CIMIP1: variants seen among roughly 807,000 people sequenced by gnomAD.
The protein encoded by CIMIP1 is low in lung cancer 1.
the CIMIP1 span, among the ~76,000 whole-genome samples, chr20:58,158,882 T>G: frequency 6.6e-6 from 1 of 152,218 alleles, no homozygotes; most frequent in Non-Finnish European, 1.5e-5. Flanking sequence ...GGCCTCATTT[T>G]CTTATTACAC....
the CIMIP1 span, among the ~76,000 whole-genome samples, chr20:58,154,993 A>G: frequency 6.6e-6 from 1 of 152,316 alleles, no homozygotes; most frequent in South Asian, 2.1e-4. Flanking sequence ...TTTTGAAGAG[A>G]TGGAGTCTTG....
the CIMIP1 span, among the ~76,000 whole-genome samples, chr20:58,153,386 G>A: frequency 6.6e-6 from 1 of 152,188 alleles, no homozygotes; most frequent in South Asian, 2.1e-4. Context: ...CTGGTGGGAG[G>A]TGCTCAGCAT....
the CIMIP1 span, chr20:58,155,369 C>A: frequency 1.0e-6 from 1 of 952,888 alleles, no homozygotes; most frequent in East Asian, 2.5e-5. Flanking sequence ...AGGACACTCC[C>A]CCAGCTTCAC....
At chr20:58,152,443 T>G in the CIMIP1 span, among the ~76,000 whole-genome samples, 1 of 151,820 alleles carries the variant, frequency 6.6e-6, no homozygotes, top group Non-Finnish European at 1.5e-5. Context: ...AAAAAAAGAT[T>G]ATTTAAGTGA....
At chr20:58,153,026 A>G in the CIMIP1 span, among the ~76,000 whole-genome samples, 1 of 152,190 alleles carries the variant, frequency 6.6e-6, no homozygotes, top group Non-Finnish European at 1.5e-5. Context: ...GTCTACTGCA[A>G]TGCCACTCAG....
At chr20:58,151,153 G>T in the CIMIP1 span, 4 of 922,974 alleles carry the variant, frequency 4.3e-6, no homozygotes, top group South Asian at 6.2e-5. Context: ...GAGGGGCAGA[G>T]GGGCGTGCGC....
the CIMIP1 span, among the ~76,000 whole-genome samples, chr20:58,152,507 G>A: frequency 5.0e-3 from 766 of 152,032 alleles, 17 homozygotes; most frequent in African/African-American, 0.018. Flanking sequence ...TTGGGAGGCC[G>A]AGGCCAGGAG....
At chr20:58,151,111 C>G in the CIMIP1 span, 1 of 1,365,350 alleles carries the variant, frequency 7.3e-7, no homozygotes, top group Non-Finnish European at 1.0e-6. Flanking sequence ...AGTTTCCCCA[C>G]CAAGTCCGGG....
chr20:58,153,441 A>G, the CIMIP1 span: 1 of 864,928 alleles, frequency 1.2e-6, no homozygotes, highest in Admixed American at 1.9e-5. Flanking sequence ...TCCCTGGTGC[A>G]GAACCACTGC....
At chr20:58,155,862 G>A in the CIMIP1 span, among the ~76,000 whole-genome samples, 1 of 152,212 alleles carries the variant, frequency 6.6e-6, no homozygotes, top group Non-Finnish European at 1.5e-5. Context: ...TCCAGGGTGT[G>A]GGCAGGAAGG....
At chr20:58,155,433 C>A in the CIMIP1 span, 4 of 1,529,690 alleles carry the variant, frequency 2.6e-6, no homozygotes, top group Admixed American at 1.7e-5. Context: ...CCCAGCTTCA[C>A]GTAAGACTTC....
At chr20:58,155,078 T>A in the CIMIP1 span, among the ~76,000 whole-genome samples, 2 of 152,238 alleles carry the variant, frequency 1.3e-5, no homozygotes, top group Non-Finnish European at 2.9e-5. Flanking sequence ...AGTGTTGGGA[T>A]TACAGGCATG....
At chr20:58,160,296 C>A in the CIMIP1 span, among the ~76,000 whole-genome samples, 2 of 152,166 alleles carry the variant, frequency 1.3e-5, no homozygotes, top group Non-Finnish European at 1.5e-5. Flanking sequence ...GGGTGACGTG[C>A]ACCTGCCGCA....
the CIMIP1 span, among the ~76,000 whole-genome samples, chr20:58,156,510 G>A: frequency 6.6e-6 from 1 of 152,118 alleles, no homozygotes; most frequent in Non-Finnish European, 1.5e-5. Flanking sequence ...GGGCAGGCTA[G>A]AAGAAGGAGT....
chr20:58,161,042 A>G, the CIMIP1 span: 1 of 413,628 alleles, frequency 2.4e-6, no homozygotes, highest in Non-Finnish European at 4.2e-6. Context: ...TGGCTAATGT[A>G]ATGAATAAGG....
chr20:58,154,152 G>T, the CIMIP1 span, among the ~76,000 whole-genome samples: 1 of 152,332 alleles, frequency 6.6e-6, no homozygotes, highest in African/African-American at 2.4e-5. Context: ...ATTCCCTAAA[G>T]ATGACAAGTC....
the CIMIP1 span, among the ~76,000 whole-genome samples, chr20:58,156,829 G>A: frequency 1.1e-4 from 17 of 152,236 alleles, no homozygotes; most frequent in African/African-American, 4.1e-4. Flanking sequence ...GGTTCTGCGT[G>A]CTGATGGGGA....
chr20:58,152,294 C>A, the CIMIP1 span, among the ~76,000 whole-genome samples: 1 of 152,152 alleles, frequency 6.6e-6, no homozygotes, highest in East Asian at 1.9e-4. Flanking sequence ...TCTGCTCATC[C>A]TTCAAGACCC....
chr20:58,152,419 G>T, the CIMIP1 span, among the ~76,000 whole-genome samples: 1 of 121,742 alleles, frequency 8.2e-6, no homozygotes, highest in Non-Finnish European at 1.8e-5. Context: ...AAATTACGAT[G>T]ATTTATTTAA....
Sources: allele counts gnomAD v4.1 joint callset (sites outside exome capture counted in the v4.1 genomes callset), GRCh38; gene constraint gnomAD v4.1.1; transcripts MANE v1.5; gene names NCBI Gene and HGNC (gene_info 2026-07-23, HGNC 2026-07-21).